KLF12: variants seen among roughly 807,000 people sequenced by gnomAD.
KLF12 encodes the protein Krueppel-like factor 12.
Under a neutral mutation model 37.8 loss-of-function variants are expected in KLF12, and 9 were observed. The observed-to-expected ratio is 0.24, with a 90% CI of 0.14 to 0.42. KLF12 has a LOEUF of 0.42. Among genes scored for constraint, KLF12 ranks in the 10% least tolerant of loss-of-function variants. KLF12 has a pLI of 1.00. For synonymous variants in KLF12, 208 were observed against 202.1 expected, an observed-to-expected ratio of 1.03 and a Z score of -0.25; for missense variants, 411 against 516.0, an observed-to-expected ratio of 0.80 and a Z score of 1.97.
chr13:74,130,492 G>T (rs1250599380), intron 1 of KLF12, among the ~76,000 whole-genome samples: 5 of 152,020 alleles, frequency 3.3e-5, no homozygotes, highest in African/African-American at 1.2e-4. Flanking sequence ...AAGACCCCGT[G>T]TCTACAAAAA....
intron 5 of KLF12, among the ~76,000 whole-genome samples, chr13:73,804,217 C>T (rs1274341699): frequency 6.6e-6 from 1 of 152,164 alleles, no homozygotes; most frequent in Non-Finnish European, 1.5e-5. Flanking sequence ...CATGGTAGCA[C>T]TTAATGTTTT....
intron 1 of KLF12, among the ~76,000 whole-genome samples, chr13:74,062,603 T>A (rs527671574): frequency 6.6e-6 from 1 of 152,340 alleles, no homozygotes; most frequent in East Asian, 1.9e-4. Flanking sequence ...AAGTATTTTC[T>A]TCCACTTTGG....
chr13:74,247,128 G>A, the KLF12 span, among the ~76,000 whole-genome samples: 4 of 152,096 alleles, frequency 2.6e-5, no homozygotes, highest in Admixed American at 1.3e-4. Context: ...AATTGAGGGT[G>A]CAGAAAAGAC....
rs77575006 is a variant in KLF12 at position 74,065,201 on chromosome 13, T to TACAC, written c.-32+68534_-32+68537dup. ...TGTATATTACTCTGTATCTGATTCT[T>TACAC]ACACACACACACACACACACACATG... is the stretch of plus-strand genomic sequence containing the variant. On this transcript the variant is annotated intron_variant, in intron 1 of 7. Coordinates refer to ENST00000377669, the MANE Select transcript of KLF12 (RefSeq NM_007249.5). Among the ~76,000 whole-genome samples, 486 of 112,054 alleles carry TACAC rather than the reference T, an allele frequency of 4.3e-3. 2 individuals are homozygous for TACAC. Among genetic ancestry groups the TACAC allele is most frequent in the African/African-American group, 0.011 (432 of 37,772 alleles). 73.5% of individuals were successfully genotyped at this position (112,054 alleles called of 152,430 possible). A position where few individuals can be genotyped will look rare whatever the true frequency, so the allele number is the denominator to read the frequency against.
At chr13:73,812,156 T>C (rs923943975) in intron 5 of KLF12, among the ~76,000 whole-genome samples, 1 of 152,126 alleles carries the variant, frequency 6.6e-6, no homozygotes, top group Non-Finnish European at 1.5e-5. Flanking sequence ...ATGACACTAC[T>C]TATATGTGGA....
chr13:73,993,439 T>C (rs1189853387), intron 2 of KLF12, among the ~76,000 whole-genome samples: 2 of 152,218 alleles, frequency 1.3e-5, no homozygotes, highest in Non-Finnish European at 2.9e-5. Context: ...TAATAAAAAT[T>C]AGTTACAGAA....
intron 6 of KLF12, among the ~76,000 whole-genome samples, chr13:73,738,104 T>TACACAC (rs772058212): frequency 5.8e-5 from 6 of 103,576 alleles, no homozygotes; most frequent in East Asian, 4.5e-4. Context: ...TATATATATA[T>TACACAC]ATATATATAT....
At chr13:73,697,210 C>G (rs1426481854) in intron 7 of KLF12, among the ~76,000 whole-genome samples, 1 of 151,966 alleles carries the variant, frequency 6.6e-6, no homozygotes, top group African/African-American at 2.4e-5. Flanking sequence ...CAAACTGGAC[C>G]CAACATTTTT....
chr13:73,843,470 G>A (rs200319151), intron 4 of KLF12, among the ~76,000 whole-genome samples: 2 of 151,934 alleles, frequency 1.3e-5, no homozygotes, highest in East Asian at 3.9e-4. Context: ...ACCACCCCTG[G>A]CTAATTTTTT....
At chr13:74,202,278 G>T in the KLF12 span, among the ~76,000 whole-genome samples, 1 of 152,080 alleles carries the variant, frequency 6.6e-6, no homozygotes, top group Non-Finnish European at 1.5e-5. Context: ...CCTTGGAATT[G>T]CTCCAAAGCA....
the KLF12 span, among the ~76,000 whole-genome samples, chr13:74,200,200 T>G: frequency 1.7e-4 from 26 of 149,432 alleles, no homozygotes; most frequent in Admixed American, 4.7e-4. Context: ...AGGGGGGGGG[T>G]TTCCTGAGAA....
At chr13:74,263,571 T>C in the KLF12 span, among the ~76,000 whole-genome samples, 1 of 152,156 alleles carries the variant, frequency 6.6e-6, no homozygotes, top group Admixed American at 6.5e-5. Flanking sequence ...AGTTACTGAG[T>C]TTAATTTTCT....
intron 6 of KLF12, among the ~76,000 whole-genome samples, chr13:73,721,247 G>A (rs1407934793): frequency 2.0e-5 from 3 of 152,204 alleles, no homozygotes; most frequent in African/African-American, 7.2e-5. Context: ...CTGAGTGGTT[G>A]ATTCCAGAAC....
At chr13:73,785,696 G>A (rs1459779606) in intron 5 of KLF12, among the ~76,000 whole-genome samples, 2 of 151,274 alleles carry the variant, frequency 1.3e-5, no homozygotes, top group African/African-American at 2.4e-5. Flanking sequence ...ATTCTTTATA[G>A]TCAATAACAC....
At chr13:73,925,602 G>A (rs1228300140) in intron 3 of KLF12, among the ~76,000 whole-genome samples, 1 of 152,164 alleles carries the variant, frequency 6.6e-6, no homozygotes, top group African/African-American at 2.4e-5. Context: ...CCATTCTGCA[G>A]CCCGTGGATA....
intron 6 of KLF12, among the ~76,000 whole-genome samples, chr13:73,759,668 C>T (rs1879420921): frequency 6.6e-6 from 1 of 152,160 alleles, no homozygotes; most frequent in African/African-American, 2.4e-5. Context: ...CCTGGATGAA[C>T]AGGCACAGAG....
rs1429944518 is a variant in KLF12 at position 73,879,210 on chromosome 13, TG to T, written c.124-32838del. ...AGTGAGTATTACACTGTCTTTCACA[TG>T]GTTTTATTTCTGCTTATGCTATTTC... On this transcript the variant is annotated intron_variant, in intron 3 of 7. Coordinates refer to ENST00000377669, the MANE Select transcript of KLF12 (RefSeq NM_007249.5). 7.2e-5 allele frequency among the ~76,000 whole-genome samples: 11 copies of T among 152,312 alleles called. No individual in the cohort carries two copies. The East Asian group carries it at 2.1e-3, about 29-fold the overall frequency.
chr13:73,842,612 T>C (rs922934600), intron 4 of KLF12, among the ~76,000 whole-genome samples: 12 of 152,266 alleles, frequency 7.9e-5, no homozygotes, highest in Admixed American at 2.0e-4. Flanking sequence ...CCTATTTCTC[T>C]ATCAGAGACC....
chr13:74,071,776 G>A (rs1433887603), intron 1 of KLF12, among the ~76,000 whole-genome samples: 3 of 152,294 alleles, frequency 2.0e-5, no homozygotes, highest in East Asian at 1.9e-4. Context: ...ATTAAGATAC[G>A]AGTGAACTAC....
Sources: gnomAD v4.1 joint callset for allele counts (sites outside exome capture counted in the v4.1 genomes callset) on GRCh38, gnomAD v4.1.1 for gene constraint, MANE v1.5 for transcripts, NCBI Gene and HGNC (gene_info 2026-07-23, HGNC 2026-07-21) for gene names.